Variants in ATP8B4 observed in about 807,000 individuals in gnomAD.
The protein encoded by ATP8B4 is probable phospholipid-transporting ATPase IM.
In ATP8B4, 133 loss-of-function variants were observed where a neutral mutation model predicts 145.6. The ratio of observed to expected loss-of-function variants is 0.91; its 90% confidence interval spans 0.79 to 1.05. ATP8B4 has a LOEUF of 1.05. Among genes scored for constraint, ATP8B4 ranks in the 50% least tolerant of loss-of-function variants. The pLI is 0.00. For missense variants in ATP8B4, 1,458 were observed against 1,425.2 expected, an observed-to-expected ratio of 1.02 and a Z score of -0.37; for synonymous variants, 507 against 492.9, an observed-to-expected ratio of 1.03 and a Z score of -0.38.
intron 12 of ATP8B4, 23 bp from the exon 13 acceptor site, chr15:49,972,813 AAAAG>A (rs1567114405): frequency 1.2e-6 from 2 of 1,600,978 alleles, no homozygotes; most frequent in Non-Finnish European, 1.7e-6. Context: ...AAAATGGAAA[AAAAG>A]AAAGAAATGC....
At chr15:49,921,736 T>G (rs1407904057) in intron 17 of ATP8B4, among the ~76,000 whole-genome samples, 1 of 152,204 alleles carries the variant, frequency 6.6e-6, no homozygotes, top group African/African-American at 2.4e-5. Context: ...CAATGCGTAC[T>G]GCAATGAGAT....
intron 21 of ATP8B4, among the ~76,000 whole-genome samples, chr15:49,900,869 T>C (rs920354656): frequency 9.2e-5 from 14 of 152,194 alleles, no homozygotes; most frequent in Non-Finnish European, 1.9e-4. Context: ...GAATTTAGCA[T>C]TTCTTTGGAG....
At chr15:50,159,195 T>C (rs2044478665) in intron 1 of ATP8B4, among the ~76,000 whole-genome samples, 1 of 152,272 alleles carries the variant, frequency 6.6e-6, no homozygotes. Context: ...TGTTTTATAG[T>C]TTTCATTGTG....
At chr15:50,176,623 G>C (rs1038480828) in intron 1 of ATP8B4, among the ~76,000 whole-genome samples, 11 of 152,092 alleles carry the variant, frequency 7.2e-5, no homozygotes, top group Non-Finnish European at 1.6e-4. Flanking sequence ...GTGTTGCAGT[G>C]GGATATTGAA....
chr15:50,047,573 T>C, intron 3 of ATP8B4, 109 bp from the exon 4 acceptor site: 3 of 717,354 alleles, frequency 4.2e-6, no homozygotes, highest in South Asian at 1.6e-5. Flanking sequence ...AAGCCGGTTA[T>C]CTAGGAAATT....
intron 23 of ATP8B4, chr15:49,885,817 G>C (rs2036117743): frequency 1.3e-5 from 2 of 152,218 alleles, no homozygotes. Flanking sequence ...ATACCTGATG[G>C]CTTGTGTTCC....
At chr15:50,139,118 C>G (rs987634414) in intron 1 of ATP8B4, among the ~76,000 whole-genome samples, 9 of 152,140 alleles carry the variant, frequency 5.9e-5, no homozygotes, top group African/African-American at 1.7e-4. Context: ...AATCATTGTA[C>G]TAAAAAGACA....
chr15:50,058,233 T>A (rs2052746452), intron 3 of ATP8B4, among the ~76,000 whole-genome samples: 1 of 152,192 alleles, frequency 6.6e-6, no homozygotes, highest in Non-Finnish European at 1.5e-5. Context: ...GGCCCACGAA[T>A]TCGTCTTATC....
chr15:50,048,410 TAAG>T (rs948456354), intron 3 of ATP8B4, among the ~76,000 whole-genome samples: 3 of 152,034 alleles, frequency 2.0e-5, no homozygotes, highest in Admixed American at 2.0e-4. Flanking sequence ...TACATGCTAA[TAAG>T]AAGGGCAAAG....
intron 1 of ATP8B4, among the ~76,000 whole-genome samples, chr15:50,110,249 G>T (rs748098752): frequency 1.3e-5 from 2 of 152,040 alleles, no homozygotes; most frequent in Non-Finnish European, 2.9e-5. Context: ...GAAAAAATAA[G>T]AATTGACATT....
intron 3 of ATP8B4, among the ~76,000 whole-genome samples, chr15:50,056,631 A>G (rs1041364516): frequency 6.6e-6 from 1 of 152,032 alleles, no homozygotes; most frequent in Non-Finnish European, 1.5e-5. Context: ...AACTTCATGT[A>G]TATTTTAACT....
At chr15:49,873,509 G>GA (rs979822781) in intron 25 of ATP8B4, among the ~76,000 whole-genome samples, 6 of 152,044 alleles carry the variant, frequency 3.9e-5, no homozygotes, top group Non-Finnish European at 7.4e-5. Flanking sequence ...AAAGTTAAGT[G>GA]AAAAAATAAG....
At chr15:50,098,366 A>G (rs1017572340) in intron 2 of ATP8B4, among the ~76,000 whole-genome samples, 1 of 130,922 alleles carries the variant, frequency 7.6e-6, no homozygotes, top group African/African-American at 2.9e-5. Flanking sequence ...ATCATAGCTC[A>G]CTGCAACCTT....
At chr15:50,119,910 G>A (rs377218943), upstream of ATP8B4, among the ~76,000 whole-genome samples, 42 of 151,960 alleles carry the variant, frequency 2.8e-4, no homozygotes, top group African/African-American at 9.9e-4. Flanking sequence ...TAACCCTGAT[G>A]GTACCAAAGA....
Position 50,002,153 on chromosome 15 carries a change from C to T in ATP8B4, c.506G>A (p.Gly169Glu). Residue 169 changes from glycine (G) to glutamate (E), a missense_variant and splice_region_variant, in exon 8 of 28, where the codon GGG (glycine) becomes GAG (glutamate). Transcript: ENST00000284509. ...AATTATTCTAATTTTAATAACTTAC[C>T]CATCAAGCTCAGCAGTTTCAACATA... ...LCYVETAELD[G>E]ETNLKVRHAL... 1 of 1,601,554 alleles carries T rather than the reference C, an allele frequency of 6.2e-7. No individual in the cohort carries two copies. The highest frequency in any genetic ancestry group is 8.5e-7 in the Non-Finnish European group (1 of 1,170,982).
chr15:49,860,101 A>G lies in ATP8B4; in HGVS notation c.*93T>C. 6.9e-7 allele frequency: 1 copy of G among 1,441,442 alleles called. No individual in the cohort carries two copies. The allele number at this position is 1,441,442 out of a possible 1,614,324, so 89.3% of individuals were successfully genotyped here. Reference sequence around the variant, plus strand: ...TTAAGTGAGGCAATCTGCCTGCCCCACCTCTTGCCTCAAATCTCAAACTCT... The same window carrying G: ...TTAAGTGAGGCAATCTGCCTGCCCCGCCTCTTGCCTCAAATCTCAAACTCT... On this transcript the variant is annotated 3_prime_UTR_variant, in exon 28 of 28. Coordinates refer to ENST00000284509, the MANE Select transcript of ATP8B4 (RefSeq NM_024837.4).
intron 3 of ATP8B4, among the ~76,000 whole-genome samples, chr15:50,066,705 C>A (rs2053405843): frequency 6.6e-6 from 1 of 152,104 alleles, no homozygotes; most frequent in African/African-American, 2.4e-5. Context: ...TTCAGTCAGC[C>A]TGAAAGCTTT....
intron 1 of ATP8B4, among the ~76,000 whole-genome samples, chr15:50,127,891 T>A (rs991185041): frequency 6.6e-6 from 1 of 152,186 alleles, no homozygotes; most frequent in Non-Finnish European, 1.5e-5. Flanking sequence ...AAGGTGTGCC[T>A]CACTGTGGTT....
chr15:50,074,219 T>C (rs766589740), intron 2 of ATP8B4, 34 bp from the exon 3 acceptor site: 10 of 1,568,748 alleles, frequency 6.4e-6, no homozygotes, highest in Non-Finnish European at 8.8e-6. Context: ...GAAATTAAAT[T>C]GTAGGCCCAG....
Sources: gnomAD v4.1 joint callset for allele counts (sites outside exome capture counted in the v4.1 genomes callset) on GRCh38, gnomAD v4.1.1 for gene constraint, MANE v1.5 for transcripts, NCBI Gene and HGNC (gene_info 2026-07-23, HGNC 2026-07-21) for gene names.